IL12RB1: variants seen among roughly 807,000 people sequenced by gnomAD.
The protein encoded by IL12RB1 is interleukin 12 receptor subunit beta 1.
Under a neutral mutation model 94.4 loss-of-function variants are expected in IL12RB1, and 64 were observed. That is an observed-to-expected ratio of 0.68 (90% CI 0.55 to 0.83). The LOEUF (loss-of-function observed/expected upper bound fraction) is 0.83. Ranked by LOEUF, IL12RB1 falls within the 40% of genes least tolerant of loss-of-function variation. IL12RB1 has a pLI of 0.00. For missense variants in IL12RB1, 814 were observed against 855.6 expected, an observed-to-expected ratio of 0.95 and a Z score of 0.61; for synonymous variants, 362 against 355.5, an observed-to-expected ratio of 1.02 and a Z score of -0.21.
chr19:18,071,343 G>GAA, intron 9 of IL12RB1: 3 of 924,774 alleles, frequency 3.2e-6, no homozygotes, highest in Non-Finnish European at 4.6e-6. Flanking sequence ...TCTGTCACAA[G>GAA]AAAAAAAAGA....
intron 15 of IL12RB1, among the ~76,000 whole-genome samples, chr19:18,060,827 T>G (rs530264433): frequency 6.6e-6 from 1 of 152,258 alleles, no homozygotes; most frequent in Admixed American, 6.5e-5. Context: ...GGAAGAACCC[T>G]GAACGGGCAG....
At chr19:18,068,600 C>A in intron 10 of IL12RB1, 74 bp from the exon 11 acceptor site, 3 of 1,280,098 alleles carry the variant, frequency 2.3e-6, no homozygotes, top group Non-Finnish European at 2.3e-6. Flanking sequence ...CTGGCTGTGC[C>A]ATCTGCCAGG....
upstream of IL12RB1, among the ~76,000 whole-genome samples, chr19:18,088,408 T>TATATATATATATATATATATATA (rs1555788630): frequency 2.7e-5 from 4 of 145,574 alleles, no homozygotes; most frequent in East Asian, 4.1e-4. Context: ...TATATATAAA[T>TATATATATATATATATATATATA]TAAAAGTTAG....
At position 18,075,786 on chromosome 19, in the gene IL12RB1, G is replaced by A; in HGVS notation, c.663C>T (p.Ser221=). The change falls in exon 7 of 17, where the codon TCC becomes TCT. Residue 221 remains serine (S), a synonymous_variant. Coordinates refer to ENST00000593993, the MANE Select transcript of IL12RB1 (RefSeq NM_005535.3). ...RRRQLGSQGS[S]WSKWSSPVCV... is the part of the protein sequence containing the mutation. ...ACACGGGGCTGCTCCACTTGCTCCAGGAACTTCCTTGGCTCCCCAGCTGCC... is the reference window on the plus strand; with the variant it reads ...ACACGGGGCTGCTCCACTTGCTCCAAGAACTTCCTTGGCTCCCCAGCTGCC... 1.2e-6 allele frequency: 2 copies of A among 1,613,234 alleles called. No homozygotes were observed. The highest frequency in any genetic ancestry group is 2.2e-5 in the South Asian group (2 of 91,072).
intron 9 of IL12RB1, 119 bp downstream of exon 9, chr19:18,071,993 A>T: frequency 4.1e-6 from 3 of 737,602 alleles, no homozygotes; most frequent in Non-Finnish European, 7.3e-6. Flanking sequence ...ACACCCCTAA[A>T]TCAGGCACTC....
At chr19:18,059,745 C>T (rs1403060432) in intron 16 of IL12RB1, 132 bp from the exon 17 acceptor site, 1 of 738,742 alleles carries the variant, frequency 1.4e-6, no homozygotes, top group Admixed American at 1.9e-5. Flanking sequence ...TTGAGATAGT[C>T]GCTCTTCGTG....
intron 1 of IL12RB1, among the ~76,000 whole-genome samples, chr19:18,083,888 C>T (rs2036102911): frequency 6.7e-6 from 1 of 150,166 alleles, no homozygotes; most frequent in South Asian, 2.1e-4. Context: ...TCCAACCATC[C>T]ATGTATTCAT....
chr19:18,098,609 C>A, intron 1 of IL12RB1: 1 of 423,848 alleles, frequency 2.4e-6, no homozygotes, highest in South Asian at 1.7e-5. Context: ...CGGGCAGCCA[C>A]CCTTTGACTT....
At position 18,076,304 on chromosome 19, in the gene IL12RB1, A is replaced by G. The variant is rs1265961363; in HGVS notation, c.573T>C (p.Asp191=). The change falls in exon 6 of 17, where the codon GAT becomes GAC. Residue 191 remains aspartate, a synonymous_variant. Transcript: ENST00000593993. ...TACTATTATTATTCTCACCAGTATCATCATCCTGAGGTCCGCAGTCGCCCT... is the reference window on the plus strand; with the variant it reads ...TACTATTATTATTCTCACCAGTATCGTCATCCTGAGGTCCGCAGTCGCCCT... The part of the protein sequence containing the change: ...WKLGDCGPQD[D]DTESCLCPLE... 5.6e-6 allele frequency: 8 copies of G among 1,433,502 alleles called. No individual in the cohort carries two copies. Among genetic ancestry groups the G allele is most frequent in the Non-Finnish European group, 7.9e-6 (8 of 1,014,954 alleles). 88.8% of individuals were successfully genotyped at this position (1,433,502 alleles called of 1,614,324 possible).
chr19:18,075,732 A>T lies in IL12RB1; in HGVS notation c.700+17T>A, dbSNP rs1301403560. 2 of 1,608,014 alleles carry T rather than the reference A, an allele frequency of 1.2e-6. No individual in the cohort carries two copies. Among genetic ancestry groups the T allele is most frequent in the African/African-American group, 2.7e-5 (2 of 74,698 alleles). On this transcript the variant is annotated intron_variant, in intron 7 of 16. Transcript: ENST00000593993. ...TTCTAATGCTTGCCCCTGTTCCTGT[A>T]CTCAGAGTGATCTTACCAGGGGGAA...
Position 18,080,940 on chromosome 19 carries a change from C to T in IL12RB1, c.301G>A (p.Asp101Asn), listed in dbSNP as rs748586854. ...AGSATRLQFS[D>N]QAGVSVLYTV... ...TACAGCACAGACACCCCAGCCTGGTCGGAGAACTGCAGCCTGGTGGCTGAG... is the reference window on the plus strand; with the variant it reads ...TACAGCACAGACACCCCAGCCTGGTTGGAGAACTGCAGCCTGGTGGCTGAG... Residue 101 changes from aspartate to asparagine, a missense_variant, in exon 4 of 17, where the codon GAC (aspartate) becomes AAC (asparagine). By Grantham distance (23) the Asp-to-Asn change is conservative. Transcript: ENST00000593993. 9.9e-6 allele frequency: 16 copies of T among 1,613,732 alleles called. No homozygotes were observed. The highest frequency in any genetic ancestry group is 6.7e-5 in the Admixed American group (4 of 59,970).
chr19:18,060,643 C>T (rs1199163244), intron 15 of IL12RB1, among the ~76,000 whole-genome samples: 1 of 152,112 alleles, frequency 6.6e-6, no homozygotes, highest in South Asian at 2.1e-4. Context: ...GGTCATGTGA[C>T]CCTGGCCAGC....
At chr19:18,076,516 G>T (rs998793578) in intron 5 of IL12RB1, among the ~76,000 whole-genome samples, 189 bp from the exon 6 acceptor site, 2 of 151,998 alleles carry the variant, frequency 1.3e-5, no homozygotes, top group African/African-American at 2.4e-5. Flanking sequence ...TGATCCTCCC[G>T]CCTCAGTCTC....
intron 13 of IL12RB1, among the ~76,000 whole-genome samples, chr19:18,062,859 C>T (rs2034251488): frequency 6.6e-6 from 1 of 151,882 alleles, no homozygotes; most frequent in Non-Finnish European, 1.5e-5. Flanking sequence ...GCCTGCCCCC[C>T]ACCAACCCTG....
chr19:18,094,151 T>C (rs1479285232), intron 1 of IL12RB1, among the ~76,000 whole-genome samples: 5 of 152,214 alleles, frequency 3.3e-5, no homozygotes, highest in Non-Finnish European at 7.3e-5. Context: ...TTGTTTGAGA[T>C]GGAGTCTCGC....
intron 7 of IL12RB1, 46 bp from the exon 8 acceptor site, chr19:18,073,645 G>A (rs777516136): frequency 9.0e-7 from 1 of 1,105,048 alleles, no homozygotes; most frequent in Non-Finnish European, 1.4e-6. Context: ...AGGAGAGAAA[G>A]ACTGATGGAT....
At position 18,063,858 on chromosome 19, in the gene IL12RB1, C is replaced by T. The variant is rs2034355455; in HGVS notation, c.1618+18G>A. On this transcript the variant is annotated intron_variant, in intron 13 of 16. Coordinates refer to ENST00000593993, the MANE Select transcript of IL12RB1 (RefSeq NM_005535.3). ...GTGCATGCTGGGTAAATAACTGGGT[C>T]CTACCCCCTCCACTCACCGATGCTG... 1.2e-6 allele frequency: 2 copies of T among 1,610,996 alleles called. No individual in the cohort carries two copies. The highest frequency in any genetic ancestry group is 1.1e-5 in the South Asian group (1 of 90,650).
intron 4 of IL12RB1, among the ~76,000 whole-genome samples, chr19:18,080,024 T>G (rs934274737): frequency 3.3e-5 from 5 of 149,508 alleles, no homozygotes; most frequent in African/African-American, 1.2e-4. Context: ...GCAAATGACA[T>G]GTTTTCCTTC....
chr19:18,069,678 C>T lies in IL12RB1; in HGVS notation c.1057G>A (p.Gly353Arg), dbSNP rs1265491160. The change falls in exon 10 of 17, where the codon GGG becomes AGG. Residue 353 changes from glycine (G) to arginine (R), a missense_variant. Transcript: ENST00000593993. Reference protein sequence around the residue: ...VALNISVGTNGTTMYWPARAQ... With the variant: ...VALNISVGTNRTTMYWPARAQ... The stretch of plus-strand genomic sequence containing the variant: ...CGGGCTGGCCAATACATGGTGGTCC[C>T]GTTGGTTCCGACGCTGATATTCAGA... 11 of 1,612,632 alleles carry T rather than the reference C, an allele frequency of 6.8e-6. No individual in the cohort carries two copies. The highest frequency in any genetic ancestry group is 3.3e-5 in the South Asian group (3 of 91,060).
Sources: allele counts gnomAD v4.1 joint callset (sites outside exome capture counted in the v4.1 genomes callset), GRCh38; gene constraint gnomAD v4.1.1; transcripts MANE v1.5; gene names NCBI Gene and HGNC (gene_info 2026-07-23, HGNC 2026-07-21).